Variants in SPTBN1 observed in about 807,000 individuals in gnomAD.
The protein encoded by SPTBN1 is spectrin beta chain, non-erythrocytic 1.
Under a neutral mutation model 266.4 loss-of-function variants are expected in SPTBN1, and 32 were observed. The ratio of observed to expected loss-of-function variants is 0.12; its 90% CI spans 0.09 to 0.16. The LOEUF is 0.16. Among genes scored for constraint, SPTBN1 ranks in the 10% least tolerant of loss-of-function variants. The pLI is 1.00. For synonymous variants in SPTBN1, 1,336 were observed against 1,162.2 expected (o/e 1.15, Z -3.04); for missense variants, 2,296 against 3,067.1 (o/e 0.75, Z 5.94).
At chr2:54,505,846 C>T (rs1322073116) in intron 1 of SPTBN1, among the ~76,000 whole-genome samples, 1 of 152,098 alleles carries the variant, frequency 6.6e-6, no homozygotes, top group Non-Finnish European at 1.5e-5. Flanking sequence ...AAATCTGGGC[C>T]AGGCGCGGTG....
Position 54,494,643 on chromosome 2 carries a change from C to G in SPTBN1, c.-47-31729C>G, listed in dbSNP as rs573726217. Among the ~76,000 whole-genome samples the G allele has an allele frequency of 7.5e-4, 114 of 152,294 alleles. 1 individual carries two copies. The highest frequency in any genetic ancestry group is 2.6e-3 in the African/African-American group (109 of 41,564). Reference sequence around the variant, plus strand: ...TAAGCAGCCAGACAAAAAAAGAGTTCTAACTGTATGATTCCATTTATATAG... The same window carrying G: ...TAAGCAGCCAGACAAAAAAAGAGTTGTAACTGTATGATTCCATTTATATAG... On this transcript the variant is annotated intron_variant, in intron 1 of 35. Coordinates refer to ENST00000356805, the MANE Select transcript of SPTBN1 (RefSeq NM_003128.3).
chr2:54,629,489 A>G lies in SPTBN1; in HGVS notation c.2355A>G (p.Lys785=). The part of the protein sequence containing the change: ...DEYSTQSLVK[K]HKDVAEEIAN... ...ATTCCACACAGTCTCTGGTCAAGAA[A>G]CACAAGGACGTGGCGGAAGAGATCG... Residue 785 remains lysine, a synonymous_variant, in exon 14 of 36, where the codon AAA becomes AAG. Transcript: ENST00000356805. 6.2e-7 allele frequency: 1 copy of G among 1,614,140 alleles called. No individual in the cohort carries two copies.
chr2:54,477,393 G>A (rs1667889820), intron 1 of SPTBN1, among the ~76,000 whole-genome samples: 1 of 148,522 alleles, frequency 6.7e-6, no homozygotes, highest in Non-Finnish European at 1.5e-5. Context: ...CGGATTTGTG[G>A]CATTACCTTT....
intron 1 of SPTBN1, among the ~76,000 whole-genome samples, chr2:54,524,877 T>C (rs1658775440): frequency 1.3e-5 from 2 of 152,230 alleles, no homozygotes; most frequent in South Asian, 2.1e-4. Flanking sequence ...CATTGAGTTC[T>C]CAGTTTCAGG....
intron 2 of SPTBN1, among the ~76,000 whole-genome samples, chr2:54,598,271 C>T (rs1007898063): frequency 6.6e-6 from 1 of 152,198 alleles, no homozygotes; most frequent in African/African-American, 2.4e-5. Context: ...GACCATAAAT[C>T]AGCAGTTGCC....
chr2:54,523,335 G>C (rs1376219837), intron 1 of SPTBN1, among the ~76,000 whole-genome samples: 1 of 152,234 alleles, frequency 6.6e-6, no homozygotes, highest in East Asian at 1.9e-4. Flanking sequence ...TGAGAATCCA[G>C]GATTTTACTT....
At chr2:54,557,062 C>T (rs1672924493) in intron 2 of SPTBN1, among the ~76,000 whole-genome samples, 1 of 152,218 alleles carries the variant, frequency 6.6e-6, no homozygotes, top group Admixed American at 6.5e-5. Context: ...ATGTTGTCTT[C>T]TTCAGGTTGG....
chr2:54,465,154 G>A (rs1036192719), intron 1 of SPTBN1, among the ~76,000 whole-genome samples: 2 of 152,168 alleles, frequency 1.3e-5, no homozygotes, highest in African/African-American at 4.8e-5. Flanking sequence ...AGTTTTCTAA[G>A]AGCAATGATA....
intron 11 of SPTBN1, 62 bp downstream of exon 11, chr2:54,625,024 C>T (rs1558440126): frequency 1.3e-6 from 2 of 1,511,760 alleles, no homozygotes; most frequent in African/African-American, 1.4e-5. Flanking sequence ...ACAGACCATC[C>T]CCAGGGGCAT....
At chr2:54,624,704 G>T in intron 10 of SPTBN1, 100 bp from the exon 11 acceptor site, 1 of 1,518,782 alleles carries the variant, frequency 6.6e-7, no homozygotes, top group Non-Finnish European at 8.9e-7. Context: ...AAGCTGTCAG[G>T]TCCTTTTGAG....
intron 3 of SPTBN1, among the ~76,000 whole-genome samples, chr2:54,602,462 A>G (rs1389168484): frequency 6.6e-6 from 1 of 152,146 alleles, no homozygotes; most frequent in Non-Finnish European, 1.5e-5. Flanking sequence ...GATGCTCCCC[A>G]TTGCCTGCCA....
chr2:54,602,552 A>T (rs992426526), intron 3 of SPTBN1, among the ~76,000 whole-genome samples: 8 of 152,206 alleles, frequency 5.3e-5, no homozygotes, highest in Non-Finnish European at 1.5e-5. Context: ...GGCCAGACTA[A>T]GCCCTCGCCT....
intron 2 of SPTBN1, among the ~76,000 whole-genome samples, chr2:54,560,461 G>A (rs1443724649): frequency 6.6e-6 from 1 of 152,134 alleles, no homozygotes; most frequent in Non-Finnish European, 1.5e-5. Context: ...TATTCCGAAA[G>A]GGCTGAGGAA....
rs3769332 is a variant in SPTBN1, at chr2:54,657,132, C to A, written c.6047-718C>A. On this transcript the variant is annotated intron_variant, in intron 29 of 35. Transcript: ENST00000356805. ...CTATAGCAGAAAGCCTGGTTCTAAC[C>A]TACCTTCTCATAACTATGTTGGAAC... Among the ~76,000 whole-genome samples, 834 of 152,336 alleles carry A rather than the reference C, an allele frequency of 5.5e-3. 32 individuals are homozygous for A. The East Asian group carries it at 0.086, about 16-fold the overall frequency.
intron 2 of SPTBN1, among the ~76,000 whole-genome samples, chr2:54,562,966 C>T (rs947704149): frequency 6.6e-6 from 1 of 151,998 alleles, no homozygotes; most frequent in Non-Finnish European, 1.5e-5. Context: ...GAGTGCTTAC[C>T]ATGTACCAGT....
intron 1 of SPTBN1, among the ~76,000 whole-genome samples, chr2:54,522,760 A>C (rs1362149296): frequency 6.6e-6 from 1 of 151,860 alleles, no homozygotes; most frequent in Non-Finnish European, 1.5e-5. Flanking sequence ...TTGTTGGTTC[A>C]GTGATAGAAA....
chr2:54,650,421 C>T (rs1487007236), intron 26 of SPTBN1, among the ~76,000 whole-genome samples: 1 of 152,210 alleles, frequency 6.6e-6, no homozygotes, highest in African/African-American at 2.4e-5. Flanking sequence ...TATGAAATGA[C>T]TGGCACTAAG....
intron 2 of SPTBN1, among the ~76,000 whole-genome samples, chr2:54,548,234 C>T (rs1204301866): frequency 6.6e-6 from 1 of 151,932 alleles, no homozygotes; most frequent in Non-Finnish European, 1.5e-5. Context: ...CCTCAGGACA[C>T]CATAAGAATA....
At chr2:54,549,602 A>C (rs994279986) in intron 2 of SPTBN1, among the ~76,000 whole-genome samples, 5 of 152,200 alleles carry the variant, frequency 3.3e-5, no homozygotes, top group Non-Finnish European at 7.3e-5. Flanking sequence ...AATTAAGCAG[A>C]TAAGACTGGT....
Sources: allele counts gnomAD v4.1 joint callset (sites outside exome capture counted in the v4.1 genomes callset), GRCh38; gene constraint gnomAD v4.1.1; transcripts MANE v1.5; gene names NCBI Gene and HGNC (gene_info 2026-07-23, HGNC 2026-07-21).